The following MDN1 variants were observed in gnomAD, a reference collection of about 807,000 sequenced individuals.
The protein encoded by MDN1 is midasin AAA ATPase 1.
MDN1 carries 266 observed loss-of-function variants against 669.2 expected under a neutral mutation model. The observed-to-expected ratio is 0.40, with a 90% CI of 0.36 to 0.44. The LOEUF is 0.44. Among genes scored for constraint, MDN1 ranks in the 20% least tolerant of loss-of-function variants. MDN1 has a pLI of 1.00. For synonymous variants in MDN1, 2,385 were observed against 2,457.1 expected, an observed-to-expected ratio of 0.97 and a Z score of 0.87; for missense variants, 5,940 against 6,754.0, an observed-to-expected ratio of 0.88 and a Z score of 4.22.
chr6:89,779,419 C>T (rs1450408036), intron 11 of MDN1, among the ~76,000 whole-genome samples: 2 of 152,110 alleles, frequency 1.3e-5, no homozygotes, highest in Non-Finnish European at 2.9e-5. Context: ...ACAATGGACC[C>T]CAGATGAATT....
In MDN1 at chr6:89,817,385, C is replaced by G. The variant is rs187281679; in HGVS notation, c.102+2121G>C. On this transcript the variant is annotated intron_variant, in intron 1 of 101. Transcript: ENST00000369393. ...ACAGTCAATAAACATTTACTGCCTA[C>G]TGCATATCAGACACTGTATTGGACA... is the stretch of plus-strand genomic sequence containing the variant. 8.1e-4 allele frequency among the ~76,000 whole-genome samples: 123 copies of G among 152,328 alleles called. 1 individual carries two copies. The highest frequency in any genetic ancestry group is 3.4e-3 in the Middle Eastern group (1 of 294).
intron 2 of MDN1, among the ~76,000 whole-genome samples, chr6:89,801,957 T>C (rs904423289): frequency 4.0e-5 from 6 of 149,036 alleles, no homozygotes; most frequent in African/African-American, 1.5e-4. Flanking sequence ...GTGAGACTGC[T>C]TCAAAAAGAA....
At position 89,692,658 on chromosome 6, in the gene MDN1, T is replaced by C; in HGVS notation, c.10372A>G (p.Thr3458Ala). The change falls in exon 63 of 102, where the codon ACT becomes GCT. Residue 3458 changes from threonine (T) to alanine (A), a missense_variant. Physicochemically the swap from Thr to Ala is moderately conservative, Grantham distance 58. This residue lies in a region of MDN1 where 150 missense variants were observed against 234.2 expected (regional missense o/e 0.64). Transcript: ENST00000369393. ...TFPTYYAHAD[T>A]LCSVKSEEVL... Reference sequence around the variant, plus strand: ...TCCTCAGACTTCACCGAGCACAAAGTGTCTGCATGAGCATAGTAAGTCGGG... The same window carrying C: ...TCCTCAGACTTCACCGAGCACAAAGCGTCTGCATGAGCATAGTAAGTCGGG... The C allele has an allele frequency of 3.7e-6, 6 of 1,614,108 alleles. No homozygotes were observed. Among genetic ancestry groups the C allele is most frequent in the Non-Finnish European group, 5.1e-6 (6 of 1,179,998 alleles).
At chr6:89,645,232 G>A (rs540394799) in intron 100 of MDN1, 75 bp from the exon 101 acceptor site, 1 of 1,466,396 alleles carries the variant, frequency 6.8e-7, no homozygotes, top group South Asian at 1.3e-5. Flanking sequence ...ACCCAAAGTA[G>A]GACAAATTAG....
At chr6:89,761,443 T>C (rs1024933978) in intron 17 of MDN1, among the ~76,000 whole-genome samples, 2 of 152,184 alleles carry the variant, frequency 1.3e-5, no homozygotes, top group African/African-American at 4.8e-5. Context: ...ATTTATCAAT[T>C]TGTACTTTTA....
chr6:89,676,358 C>A (rs1811190373), intron 76 of MDN1, 151 bp from the exon 77 acceptor site: 2 of 668,846 alleles, frequency 3.0e-6, no homozygotes, highest in South Asian at 3.5e-5. Flanking sequence ...GTGAGGCACT[C>A]ATTAGTCCTT....
chr6:89,742,221 T>G (rs1816331245), intron 31 of MDN1, among the ~76,000 whole-genome samples: 1 of 152,198 alleles, frequency 6.6e-6, no homozygotes, highest in Non-Finnish European at 1.5e-5. Context: ...AAGACCAGCC[T>G]AGCCAACATG....
At chr6:89,776,243 C>T in intron 12 of MDN1, among the ~76,000 whole-genome samples, 1 of 151,994 alleles carries the variant, frequency 6.6e-6, no homozygotes, top group East Asian at 1.9e-4. Flanking sequence ...TGGTGGGTCA[C>T]CTGAGGTCAG....
intron 99 of MDN1, among the ~76,000 whole-genome samples, chr6:89,647,774 G>C (rs1372152499): frequency 6.6e-6 from 1 of 152,142 alleles, no homozygotes; most frequent in Non-Finnish European, 1.5e-5. Flanking sequence ...GGGCAACAAA[G>C]TGAGACCCTG....
Position 89,685,970 on chromosome 6 carries a change from T to A in MDN1, c.11576A>T (p.Asp3859Val). 6.2e-7 allele frequency: 1 copy of A among 1,608,520 alleles called. No homozygotes were observed. Among genetic ancestry groups the A allele is most frequent in the Non-Finnish European group, 8.5e-7 (1 of 1,178,584 alleles). Residue 3859 changes from aspartate to valine, a missense_variant, in exon 70 of 102, where the codon GAC becomes GTC. Asp to Val is a radical substitution (Grantham distance 152, BLOSUM62 -3). Coordinates refer to ENST00000369393, the MANE Select transcript of MDN1 (RefSeq NM_014611.3). ...MQEQTEEQED[D>V]KQMTLMLLVS... ...CAGCAACATCAAGGTCATCTGTTTG[T>A]CATCTTTAAAAATTCAAAGAGAAAA...
intron 1 of MDN1, among the ~76,000 whole-genome samples, chr6:89,813,563 A>C (rs994123248): frequency 1.3e-5 from 2 of 151,536 alleles, no homozygotes; most frequent in Non-Finnish European, 1.5e-5. Context: ...AAAAAAAAAA[A>C]AAACAAAAAA....
intron 11 of MDN1, among the ~76,000 whole-genome samples, chr6:89,779,998 G>A (rs1818577188): frequency 6.6e-6 from 1 of 151,936 alleles, no homozygotes; most frequent in Non-Finnish European, 1.5e-5. Context: ...CCCAGAAGGT[G>A]GAGGCTGCAG....
chr6:89,692,240 T>G (rs1812420155), intron 63 of MDN1, among the ~76,000 whole-genome samples: 1 of 152,204 alleles, frequency 6.6e-6, no homozygotes, highest in Admixed American at 6.5e-5. Flanking sequence ...CTCTCATTTT[T>G]TTTTAATCTC....
At chr6:89,803,281 G>A in intron 2 of MDN1, 47 bp downstream of exon 2, 3 of 1,522,020 alleles carry the variant, frequency 2.0e-6, no homozygotes, top group East Asian at 2.2e-5. Flanking sequence ...GAGACAGCAG[G>A]TTCTATCACC....
intron 37 of MDN1, among the ~76,000 whole-genome samples, chr6:89,725,609 C>T (rs1481930687): frequency 6.6e-6 from 1 of 152,106 alleles, no homozygotes; most frequent in African/African-American, 2.4e-5. Context: ...TTCACTCTGT[C>T]ACTCAGGCTG....
intron 8 of MDN1, among the ~76,000 whole-genome samples, chr6:89,786,408 C>A (rs1160819857): frequency 6.6e-6 from 1 of 151,942 alleles, no homozygotes; most frequent in African/African-American, 2.4e-5. Flanking sequence ...CTGGGCAATG[C>A]AGCAAGATTC....
At chr6:89,740,573 A>G (rs541680877) in intron 31 of MDN1, among the ~76,000 whole-genome samples, 195 bp from the exon 32 acceptor site, 1 of 152,230 alleles carries the variant, frequency 6.6e-6, no homozygotes, top group Non-Finnish European at 1.5e-5. Context: ...TTTCTGATCA[A>G]GAAAAAAAAA....
intron 53 of MDN1, among the ~76,000 whole-genome samples, chr6:89,704,560 A>G (rs1173680155): frequency 1.3e-5 from 2 of 152,214 alleles, no homozygotes; most frequent in African/African-American, 4.8e-5. Context: ...ATGCAGGGTC[A>G]AAGTCTATCC....
In MDN1 at chr6:89,701,921, C is replaced by G. The variant is rs754625233; in HGVS notation, c.8289G>C (p.Leu2763=). 4 of 1,612,012 alleles carry G rather than the reference C, an allele frequency of 2.5e-6. No individual in the cohort carries two copies. In the South Asian group the frequency reaches 4.4e-5, roughly 18 times the overall value. ...KHLVHQIPRL[L]MNYEDKYYKE... ...AATCTTACTTGTCTTCATAATTCAT[C>G]AGAAGTCGGGGGATCTGGTGGACCA... Residue 2763 remains leucine (L), a synonymous_variant, in exon 54 of 102, where the codon CTG becomes CTC. Transcript: ENST00000369393.
Sources: allele counts gnomAD v4.1 joint callset (sites outside exome capture counted in the v4.1 genomes callset), GRCh38; gene constraint gnomAD v4.1.1; regional missense constraint gnomAD v4.1.1; transcripts MANE v1.5; gene names NCBI Gene and HGNC (gene_info 2026-07-23, HGNC 2026-07-21).